The following ANAPC4 variants were observed in gnomAD, a reference collection of about 807,000 sequenced individuals.
ANAPC4 encodes the protein anaphase-promoting complex subunit 4.
Under a neutral mutation model 119.8 loss-of-function variants are expected in ANAPC4, and 63 were observed. The observed-to-expected ratio is 0.53, with a 90% confidence interval of 0.43 to 0.65. The LOEUF (loss-of-function observed/expected upper bound fraction) is 0.65. Ranked by LOEUF, ANAPC4 falls within the 30% of genes least tolerant of loss-of-function variation. The probability of loss-of-function intolerance (pLI) is 0.00; values close to 1 mark genes in which losing one functional copy is unlikely to be tolerated. For missense variants in ANAPC4, 716 were observed against 945.1 expected (o/e 0.76, Z 3.18); for synonymous variants, 283 against 318.6 (o/e 0.89, Z 1.19).
intron 2 of ANAPC4, among the ~76,000 whole-genome samples, chr4:25,379,149 G>C (rs1362750673): frequency 6.6e-6 from 1 of 152,134 alleles, no homozygotes; most frequent in Admixed American, 6.5e-5. Context: ...TGGTGGCCCT[G>C]CAGTTGTTGG....
At chr4:25,388,595 T>C (rs1370269080) in intron 5 of ANAPC4, 21 bp downstream of exon 5, 3 of 1,582,612 alleles carry the variant, frequency 1.9e-6, no homozygotes, top group Non-Finnish European at 1.7e-6. Flanking sequence ...CTGGTTTCTT[T>C]GAAATTAATC....
intron 26 of ANAPC4, chr4:25,415,822 G>T: frequency 3.5e-6 from 1 of 288,702 alleles, no homozygotes; most frequent in Non-Finnish European, 6.4e-6. Flanking sequence ...ATGGGCAGAT[G>T]GCCTGCAGGG....
chr4:25,391,913 T>G (rs2109120442), intron 9 of ANAPC4, among the ~76,000 whole-genome samples: 1 of 152,368 alleles, frequency 6.6e-6, no homozygotes, highest in East Asian at 1.9e-4. Context: ...ATAAAATGAT[T>G]CACTACTACT....
chr4:25,418,012 C>A, intron 28 of ANAPC4, 143 bp from the exon 29 acceptor site: 1 of 921,282 alleles, frequency 1.1e-6, no homozygotes, highest in Non-Finnish European at 1.6e-6. Context: ...AAAATGAAGG[C>A]TGAATTTATT....
intron 17 of ANAPC4, among the ~76,000 whole-genome samples, chr4:25,403,440 G>A (rs527314002): frequency 3.9e-5 from 6 of 152,096 alleles, no homozygotes; most frequent in African/African-American, 9.6e-5. Context: ...CTCACTGATA[G>A]TTCACATTTT....
chr4:25,416,298 A>G, intron 26 of ANAPC4, 127 bp from the exon 27 acceptor site: 1 of 490,186 alleles, frequency 2.0e-6, no homozygotes, highest in South Asian at 6.5e-5. Flanking sequence ...TATATTTTAA[A>G]TGTTATTGTA....
At chr4:25,392,887 T>G (rs1722429509) in intron 10 of ANAPC4, among the ~76,000 whole-genome samples, 1 of 152,180 alleles carries the variant, frequency 6.6e-6, no homozygotes, top group African/African-American at 2.4e-5. Flanking sequence ...TTGTCTCTAC[T>G]CCACATCCTT....
chr4:25,378,148 G>C (rs1179120564), intron 2 of ANAPC4, among the ~76,000 whole-genome samples: 1 of 152,200 alleles, frequency 6.6e-6, no homozygotes, highest in African/African-American at 2.4e-5. Flanking sequence ...CAGACAGAAC[G>C]TGCATGGGTG....
At chr4:25,385,768 G>C (rs1721995833) in intron 4 of ANAPC4, among the ~76,000 whole-genome samples, 1 of 152,084 alleles carries the variant, frequency 6.6e-6, no homozygotes, top group Non-Finnish European at 1.5e-5. Context: ...TGAGACAGTT[G>C]AACACTTAGA....
chr4:25,414,902 A>C (rs1216216638), intron 25 of ANAPC4, among the ~76,000 whole-genome samples: 1 of 151,838 alleles, frequency 6.6e-6, no homozygotes, highest in Non-Finnish European at 1.5e-5. Flanking sequence ...TTTAATTTTT[A>C]TTGGCATATA....
Position 25,390,205 on chromosome 4 carries a change from T to C in ANAPC4, c.585T>C (p.Ile195=), listed in dbSNP as rs146440666. ...IELYAYGMFK[I]ARVTGIAGTC... ...TTTATGCTTATGGAATGTTTAAAATTGCTCGAGTCACAGGGGTAAGATTTC... is the reference window on the plus strand; with the variant it reads ...TTTATGCTTATGGAATGTTTAAAATCGCTCGAGTCACAGGGGTAAGATTTC... The change falls in exon 8 of 29, where the codon ATT becomes ATC. Residue 195 remains isoleucine, a synonymous_variant. Coordinates refer to ENST00000315368, the MANE Select transcript of ANAPC4 (RefSeq NM_013367.3). The C allele has an allele frequency of 8.1e-5, 130 of 1,612,198 alleles. 1 individual carries two copies. In the Middle Eastern group the frequency reaches 8.3e-4, roughly 10 times the overall value.
chr4:25,387,413 G>C (rs767963286), intron 4 of ANAPC4, among the ~76,000 whole-genome samples: 9 of 152,200 alleles, frequency 5.9e-5, no homozygotes, highest in African/African-American at 2.2e-4. Context: ...GATGACAAGG[G>C]TTTGACCTGG....
chr4:25,399,529 G>A (rs1489380766), intron 16 of ANAPC4, among the ~76,000 whole-genome samples: 1 of 151,830 alleles, frequency 6.6e-6, no homozygotes, highest in Non-Finnish European at 1.5e-5. Context: ...ATGCATCCCT[G>A]GCCAGAAATA....
intron 3 of ANAPC4, among the ~76,000 whole-genome samples, chr4:25,381,644 A>C (rs1304131468): frequency 1.3e-5 from 2 of 152,148 alleles, no homozygotes; most frequent in Admixed American, 6.5e-5. Context: ...ACATAAATAT[A>C]AAAAAGTACT....
intron 26 of ANAPC4, 175 bp downstream of exon 26, chr4:25,415,715 T>C: frequency 1.8e-6 from 1 of 562,582 alleles, no homozygotes; most frequent in Non-Finnish European, 3.1e-6. Flanking sequence ...TGACTTGTGA[T>C]TGAATAGAAC....
chr4:25,378,140 G>T (rs1400126226), intron 2 of ANAPC4, among the ~76,000 whole-genome samples: 1 of 152,218 alleles, frequency 6.6e-6, no homozygotes, highest in African/African-American at 2.4e-5. Flanking sequence ...TTGGATTCCA[G>T]ACAGAACGTG....
intron 10 of ANAPC4, 137 bp downstream of exon 10, chr4:25,392,558 C>T (rs978622210): frequency 1.7e-6 from 1 of 603,586 alleles, no homozygotes; most frequent in African/African-American, 1.9e-5. Context: ...CTTATAAGGT[C>T]CATTAAAGCA....
intron 21 of ANAPC4, 31 bp from the exon 22 acceptor site, chr4:25,413,614 T>C (rs1723699672): frequency 6.5e-7 from 1 of 1,540,918 alleles, no homozygotes; most frequent in Non-Finnish European, 8.9e-7. Flanking sequence ...TAGCTTCTTT[T>C]ATTTTTGTTT....
intron 3 of ANAPC4, among the ~76,000 whole-genome samples, chr4:25,382,305 G>A (rs1210627767): frequency 6.6e-6 from 1 of 152,162 alleles, no homozygotes; most frequent in Admixed American, 6.5e-5. Context: ...TGAACACTGG[G>A]AAGAACTTTG....
Sources: gnomAD v4.1 joint callset for allele counts (sites outside exome capture counted in the v4.1 genomes callset) on GRCh38, gnomAD v4.1.1 for gene constraint, MANE v1.5 for transcripts, NCBI Gene and HGNC (gene_info 2026-07-23, HGNC 2026-07-21) for gene names.